SEC22A: variants seen among roughly 807,000 people sequenced by gnomAD.
The protein encoded by SEC22A is vesicle-trafficking protein SEC22a.
In SEC22A, 22 loss-of-function variants were observed where a neutral mutation model predicts 35.3. The observed-to-expected ratio is 0.62, with a 90% CI of 0.45 to 0.89. The LOEUF is 0.89. SEC22A is among the 40% of genes least tolerant of loss of function. The pLI, the probability that SEC22A is intolerant of heterozygous loss-of-function variation, is 0.00. For missense variants in SEC22A, 354 were observed against 362.5 expected (o/e 0.98, Z 0.19); for synonymous variants, 119 against 129.5 (o/e 0.92, Z 0.55).
rs1028921030 is a variant in SEC22A, at chr3:123,272,749, C to T, written c.*1027C>T. ...TAAAAGGAAACTGTAAAGGGAATGA[C>T]ATTCTCACTGTGATTCAGCATTATT... On this transcript the variant is annotated 3_prime_UTR_variant, in exon 7 of 7. Coordinates refer to ENST00000492595, the MANE Select transcript of SEC22A (RefSeq NM_012430.5). The T allele has an allele frequency of 6.5e-6, 1 of 153,782 alleles. No homozygotes were observed. Among genetic ancestry groups the T allele is most frequent in the Admixed American group, 6.5e-5 (1 of 15,286 alleles). The allele number at this position is 153,782 out of a possible 1,614,324, so 9.5% of individuals were successfully genotyped here.
At chr3:123,241,002 T>TACACACACAC (rs35775511) in intron 4 of SEC22A, among the ~76,000 whole-genome samples, 2,839 of 142,644 alleles carry the variant, frequency 0.02, 70 homozygotes, top group East Asian at 0.098. Flanking sequence ...CTCTCTTTCT[T>TACACACACAC]ACACACACAC....
At chr3:123,221,987 C>G (rs1217775396) in intron 2 of SEC22A, among the ~76,000 whole-genome samples, 1 of 151,812 alleles carries the variant, frequency 6.6e-6, no homozygotes, top group East Asian at 1.9e-4. Flanking sequence ...AGTATATTTT[C>G]TAAAATTAGG....
At chr3:123,224,762 G>A (rs1175104930) in intron 3 of SEC22A, among the ~76,000 whole-genome samples, 1 of 151,996 alleles carries the variant, frequency 6.6e-6, no homozygotes, top group Non-Finnish European at 1.5e-5. Flanking sequence ...CTGCACCCCA[G>A]TCTAGGTGAC....
Position 123,271,644 on chromosome 3 carries a change from T to C in SEC22A, c.846T>C (p.His282=). Residue 282 remains histidine, a synonymous_variant, in exon 7 of 7, where the codon CAT becomes CAC. Coordinates refer to ENST00000492595, the MANE Select transcript of SEC22A (RefSeq NM_012430.5). The part of the protein sequence containing the change: ...ELRNLWQLFF[H]VTVGAFVTLQ... ...GCAACCTCTGGCAGCTTTTCTTTCA[T>C]GTGACTGTGGGAGCATTTGTTACAC... 2 of 1,614,232 alleles carry C rather than the reference T, an allele frequency of 1.2e-6. No individual in the cohort carries two copies. Among genetic ancestry groups the C allele is most frequent in the Non-Finnish European group, 1.7e-6 (2 of 1,180,026 alleles).
chr3:123,256,832 T>C (rs958442790), intron 5 of SEC22A, among the ~76,000 whole-genome samples: 2 of 148,328 alleles, frequency 1.3e-5, no homozygotes, highest in Non-Finnish European at 1.5e-5. Flanking sequence ...CAGTCTCGGC[T>C]CACTGCAAGC....
At chr3:123,268,176 GTTTT>G (rs527819032) in intron 6 of SEC22A, among the ~76,000 whole-genome samples, 2 of 152,136 alleles carry the variant, frequency 1.3e-5, no homozygotes, top group Admixed American at 6.5e-5. Flanking sequence ...GGTCACAGGG[GTTTT>G]TTGTGTGATG....
At chr3:123,228,339 C>A (rs113568847) in intron 4 of SEC22A, among the ~76,000 whole-genome samples, 1 of 145,506 alleles carries the variant, frequency 6.9e-6, no homozygotes, top group Non-Finnish European at 1.5e-5. Flanking sequence ...CCAAGGCGGG[C>A]GGATCTCCTG....
At chr3:123,227,570 C>G (rs556918427) in intron 4 of SEC22A, among the ~76,000 whole-genome samples, 7 of 151,962 alleles carry the variant, frequency 4.6e-5, no homozygotes, top group African/African-American at 1.7e-4. Context: ...CAAACCTGCA[C>G]GTTTTGCACA....
intron 5 of SEC22A, among the ~76,000 whole-genome samples, chr3:123,250,461 T>G (rs1258743882): frequency 6.6e-6 from 1 of 152,062 alleles, no homozygotes; most frequent in African/African-American, 2.4e-5. Flanking sequence ...AAGGGAGGAA[T>G]GTTCTCACTC....
At chr3:123,250,139 C>T (rs549937598) in intron 5 of SEC22A, among the ~76,000 whole-genome samples, 5 of 152,120 alleles carry the variant, frequency 3.3e-5, no homozygotes, top group South Asian at 2.1e-4. Flanking sequence ...GGGCTGGGCA[C>T]GGTGGCTCGC....
intron 4 of SEC22A, among the ~76,000 whole-genome samples, chr3:123,238,259 C>T (rs939352062): frequency 3.3e-5 from 5 of 152,110 alleles, no homozygotes; most frequent in Admixed American, 1.3e-4. Context: ...AGTGCAGTGG[C>T]GCAATCTCAG....
chr3:123,243,315 G>A (rs1459054841), intron 4 of SEC22A, among the ~76,000 whole-genome samples: 1 of 152,168 alleles, frequency 6.6e-6, no homozygotes, highest in African/African-American at 2.4e-5. Flanking sequence ...TGGGTTGTTG[G>A]AAGGATACAG....
At position 123,225,126 on chromosome 3, in the gene SEC22A, C is replaced by G. The variant is rs781566568; in HGVS notation, c.370C>G (p.Gln124Glu). The G allele has an allele frequency of 6.2e-7, 1 of 1,607,512 alleles. No homozygotes were observed. Among genetic ancestry groups the G allele is most frequent in the Non-Finnish European group, 8.5e-7 (1 of 1,175,772 alleles). ...EFDNFIQRTK[Q>E]RYNNPRSLST... Reference sequence around the variant, plus strand: ...AGATAACTTCATTCAGAGGACCAAGCAGCGATATAATAATCCCAGGTCTCT... The same window carrying G: ...AGATAACTTCATTCAGAGGACCAAGGAGCGATATAATAATCCCAGGTCTCT... The change falls in exon 4 of 7, where the codon CAG (glutamine) becomes GAG (glutamate). Residue 124 changes from glutamine to glutamate, a missense_variant. Coordinates refer to ENST00000492595, the MANE Select transcript of SEC22A (RefSeq NM_012430.5).
intron 1 of SEC22A, among the ~76,000 whole-genome samples, chr3:123,207,591 A>G (rs1936872619): frequency 6.6e-6 from 1 of 152,234 alleles, no homozygotes; most frequent in African/African-American, 2.4e-5. Context: ...TAATGTTTTA[A>G]AAAGTATGGG....
At chr3:123,213,314 G>A (rs941442901) in intron 2 of SEC22A, among the ~76,000 whole-genome samples, 1 of 152,158 alleles carries the variant, frequency 6.6e-6, no homozygotes, top group Non-Finnish European at 1.5e-5. Flanking sequence ...ATTTGTGTGT[G>A]TTACCTGACT....
At chr3:123,254,219 G>A (rs938291906) in intron 5 of SEC22A, among the ~76,000 whole-genome samples, 10 of 151,692 alleles carry the variant, frequency 6.6e-5, no homozygotes, top group Admixed American at 6.6e-5. Flanking sequence ...ACAGGGTCTC[G>A]CTGTGTTGGC....
In SEC22A at chr3:123,213,098, T is replaced by G. The variant is rs1196376689; in HGVS notation, c.182+3699T>G. Among the ~76,000 whole-genome samples, 8 of 152,282 alleles carry G rather than the reference T, an allele frequency of 5.3e-5. No individual in the cohort carries two copies. The East Asian group carries it at 1.2e-3, about 22-fold the overall frequency. ...TTCAGATAAATGCATTTCAGAGCCATGCATAGAAAAATGTCTATGCATGTT... is the reference window on the plus strand; with the variant it reads ...TTCAGATAAATGCATTTCAGAGCCAGGCATAGAAAAATGTCTATGCATGTT... On this transcript the variant is annotated intron_variant, in intron 2 of 6. Coordinates refer to ENST00000492595, the MANE Select transcript of SEC22A (RefSeq NM_012430.5).
chr3:123,208,519 T>G (rs894867653), intron 1 of SEC22A: 1 of 152,106 alleles, frequency 6.6e-6, no homozygotes, highest in African/African-American at 2.4e-5. Context: ...TTTAAAAAGC[T>G]AATGTGGCTG....
At chr3:123,246,628 A>G (rs1937569392) in intron 5 of SEC22A, among the ~76,000 whole-genome samples, 1 of 152,224 alleles carries the variant, frequency 6.6e-6, no homozygotes, top group Admixed American at 6.5e-5. Flanking sequence ...AGCTATAGCT[A>G]TCAGAATATA....
Sources: allele counts gnomAD v4.1 joint callset (sites outside exome capture counted in the v4.1 genomes callset), GRCh38; gene constraint gnomAD v4.1.1; transcripts MANE v1.5; gene names NCBI Gene and HGNC (gene_info 2026-07-23, HGNC 2026-07-21).